Variants in KSR1 observed in about 807,000 individuals in gnomAD.
KSR1 encodes kinase suppressor of ras 1, also known as kinase suppressor of ras.
KSR1 carries 35 observed loss-of-function variants against 92.9 expected under a neutral mutation model. The ratio of observed to expected loss-of-function variants is 0.38; its 90% CI spans 0.29 to 0.50. KSR1 has a LOEUF of 0.50. Among genes scored for constraint, KSR1 ranks in the 20% least tolerant of loss-of-function variants. The pLI, the probability that KSR1 is intolerant of heterozygous loss-of-function variation, is 0.94. For missense variants in KSR1, 972 were observed against 1,158.5 expected, an observed-to-expected ratio of 0.84 and a Z score of 2.34; for synonymous variants, 467 against 472.6, an observed-to-expected ratio of 0.99 and a Z score of 0.15.
At chr17:27,561,124 T>C (rs2071810445) in intron 2 of KSR1, among the ~76,000 whole-genome samples, 1 of 152,206 alleles carries the variant, frequency 6.6e-6, no homozygotes, top group Non-Finnish European at 1.5e-5. Flanking sequence ...TCCTTATCCC[T>C]GGGACAGGAG....
At chr17:27,525,991 ACTTTTCTTTTCTTTTCTTTT>A (rs138403263) in intron 1 of KSR1, among the ~76,000 whole-genome samples, 4 of 71,178 alleles carry the variant, frequency 5.6e-5, no homozygotes, top group Non-Finnish European at 7.5e-5. Flanking sequence ...ACTGCAACTA[ACTTTTCTTTTCTTTTCTTTT>A]CTTTTCTTTT....
chr17:27,584,259 C>T (rs942478107), intron 4 of KSR1, among the ~76,000 whole-genome samples: 1 of 152,106 alleles, frequency 6.6e-6, no homozygotes, highest in Non-Finnish European at 1.5e-5. Flanking sequence ...CTAGGGGGTT[C>T]CTTGGGCCCT....
chr17:27,512,095 T>C (rs1459244892), intron 1 of KSR1, among the ~76,000 whole-genome samples: 4 of 152,224 alleles, frequency 2.6e-5, no homozygotes, highest in African/African-American at 9.6e-5. Flanking sequence ...GGTCCTGGTG[T>C]GTCTCTAGCC....
chr17:27,479,029 C>T (rs1000175887), intron 1 of KSR1, among the ~76,000 whole-genome samples: 5 of 148,584 alleles, frequency 3.4e-5, no homozygotes, highest in Non-Finnish European at 6.0e-5. Flanking sequence ...TCCCTCCCTC[C>T]GTGCTCCTCC....
chr17:27,515,616 T>C (rs1245837980), intron 1 of KSR1, among the ~76,000 whole-genome samples: 1 of 151,252 alleles, frequency 6.6e-6, no homozygotes, highest in Non-Finnish European at 1.5e-5. Flanking sequence ...TCGTAGTTTT[T>C]TTTTTTTTTT....
chr17:27,503,350 A>G (rs1485210566), intron 1 of KSR1, among the ~76,000 whole-genome samples: 1 of 152,180 alleles, frequency 6.6e-6, no homozygotes, highest in Admixed American at 6.5e-5. Context: ...CTTGTGATGC[A>G]CAGGACCTCC....
intron 2 of KSR1, among the ~76,000 whole-genome samples, 171 bp downstream of exon 2, chr17:27,550,879 G>A (rs1392105737): frequency 6.6e-6 from 1 of 152,236 alleles, no homozygotes; most frequent in Non-Finnish European, 1.5e-5. Context: ...CAGGGTACAT[G>A]TGGCTCCAAC....
chr17:27,464,605 A>G (rs1308206618), intron 1 of KSR1, among the ~76,000 whole-genome samples: 1 of 151,874 alleles, frequency 6.6e-6, no homozygotes, highest in Non-Finnish European at 1.5e-5. Flanking sequence ...CTGTTGTCCC[A>G]GCTACTACAG....
intron 1 of KSR1, among the ~76,000 whole-genome samples, chr17:27,539,540 C>T (rs2070882273): frequency 1.3e-5 from 2 of 152,194 alleles, no homozygotes. Flanking sequence ...TGGACCCCTG[C>T]CGCTTACGAC....
At chr17:27,619,303 T>C (rs2074150615) in intron 19 of KSR1, among the ~76,000 whole-genome samples, 1 of 152,190 alleles carries the variant, frequency 6.6e-6, no homozygotes, top group Admixed American at 6.5e-5. Context: ...TGTTACATGT[T>C]CTTTGTTACT....
Position 27,456,632 on chromosome 17 carries a change from C to T in KSR1, c.-12C>T, listed in dbSNP as rs564523982. ...CTCCCAGCCTCGGCCGCCGCGGCCC[C>T]GATGCCGAGGCATGGATAGAGCAGC... On this transcript the variant is annotated 5_prime_UTR_variant, in exon 1 of 21. Transcript: ENST00000644974. 16 of 509,382 alleles carry T rather than the reference C, an allele frequency of 3.1e-5. No individual in the cohort carries two copies. Among genetic ancestry groups the T allele is most frequent in the African/African-American group, 2.9e-4 (14 of 48,818 alleles). The allele number at this position is 509,382 out of a possible 1,614,324, so 31.6% of individuals were successfully genotyped here.
chr17:27,456,471 G>A lies in KSR1; in HGVS notation c.-173G>A, dbSNP rs915751108. The A allele has an allele frequency of 7.8e-6, 3 of 383,360 alleles. No homozygotes were observed. The highest frequency in any genetic ancestry group is 1.4e-5 in the Non-Finnish European group (3 of 218,368). The allele number at this position is 383,360 out of a possible 1,614,324, so 23.7% of individuals were successfully genotyped here. ...GGGTCGCCGCGGCTTTCGCTTTGCT[G>A]CCGCGGCTGGGAGGGTGGAAGCGGC... is the stretch of plus-strand genomic sequence containing the variant. On this transcript the variant is annotated 5_prime_UTR_variant, in exon 1 of 21. Coordinates refer to ENST00000644974, the MANE Select transcript of KSR1 (RefSeq NM_001394583.1).
chr17:27,623,419 T>A lies in KSR1; in HGVS notation c.*27T>A, dbSNP rs764782447. On this transcript the variant is annotated 3_prime_UTR_variant, in exon 21 of 21. Coordinates refer to ENST00000644974, the MANE Select transcript of KSR1 (RefSeq NM_001394583.1). ...CAGCCATATGGTTTTTCGCTGCTGA[T>A]CTCTTTCTTTTTAAAATGTGTTTCT... The A allele has an allele frequency of 4.0e-6, 3 of 756,280 alleles. No individual in the cohort carries two copies. The South Asian group carries it at 4.1e-5, about 10-fold the overall frequency. The allele number at this position is 756,280 out of a possible 1,614,324, so 46.8% of individuals were successfully genotyped here.
At chr17:27,490,753 A>C (rs2068797805) in intron 1 of KSR1, among the ~76,000 whole-genome samples, 1 of 152,210 alleles carries the variant, frequency 6.6e-6, no homozygotes, top group African/African-American at 2.4e-5. Flanking sequence ...ATTGAAATTG[A>C]AAATGTATGT....
At chr17:27,545,879 C>G (rs2151077759) in intron 1 of KSR1, among the ~76,000 whole-genome samples, 1 of 152,224 alleles carries the variant, frequency 6.6e-6, no homozygotes, top group Admixed American at 6.5e-5. Context: ...GCCAGGTGGG[C>G]TAATCTCAAT....
chr17:27,555,999 A>C (rs2071580161), intron 2 of KSR1, among the ~76,000 whole-genome samples: 1 of 152,130 alleles, frequency 6.6e-6, no homozygotes, highest in Non-Finnish European at 1.5e-5. Flanking sequence ...TACACATGAG[A>C]TCAGGCCAGA....
chr17:27,560,382 G>T (rs988976654), intron 2 of KSR1: 4 of 518,630 alleles, frequency 7.7e-6, no homozygotes, highest in South Asian at 1.4e-5. Context: ...TGGGATTCCA[G>T]GGTGAAAGCC....
chr17:27,566,877 G>A (rs1158204490), intron 2 of KSR1, among the ~76,000 whole-genome samples: 2 of 152,152 alleles, frequency 1.3e-5, no homozygotes, highest in African/African-American at 4.8e-5. Flanking sequence ...TTTTTTACAG[G>A]GAGCTTAAGA....
rs146797785 is a variant in KSR1 at position 27,583,114 on chromosome 17, T to A, written c.980+9T>A. On this transcript the variant is annotated intron_variant, in intron 4 of 20. Transcript: ENST00000644974. ...GACGTCTCCTCGATGAGGTGAGTGC[T>A]CCTTCTGGGCAGCTACCAAAAGTGC... is the stretch of plus-strand genomic sequence containing the variant. The A allele has an allele frequency of 1.2e-4, 176 of 1,517,244 alleles. No homozygotes were observed. In the African/African-American group the frequency reaches 2.1e-3, roughly 19 times the overall value. 94.0% of individuals were successfully genotyped at this position (1,517,244 alleles called of 1,614,324 possible).
Sources: allele counts gnomAD v4.1 joint callset (sites outside exome capture counted in the v4.1 genomes callset), GRCh38; gene constraint gnomAD v4.1.1; transcripts MANE v1.5; gene names NCBI Gene and HGNC (gene_info 2026-07-23, HGNC 2026-07-21).